Variants in TBC1D5 observed in about 807,000 individuals in gnomAD.
TBC1D5 encodes TBC1 domain family member 5.
TBC1D5 carries 75 observed loss-of-function variants against 100.3 expected under a neutral mutation model. The ratio of observed to expected loss-of-function variants is 0.75; its 90% CI spans 0.62 to 0.91. The LOEUF (loss-of-function observed/expected upper bound fraction) is 0.91. Among genes scored for constraint, TBC1D5 ranks in the 40% least tolerant of loss-of-function variants. The pLI, the probability that TBC1D5 is intolerant of heterozygous loss-of-function variation, is 0.00. For synonymous variants in TBC1D5, 323 were observed against 325.6 expected (o/e 0.99, Z 0.09); for missense variants, 910 against 942.4 (o/e 0.97, Z 0.45).
At chr3:17,260,140 G>C (rs2078138235) in intron 15 of TBC1D5, among the ~76,000 whole-genome samples, 1 of 152,170 alleles carries the variant, frequency 6.6e-6, no homozygotes, top group Admixed American at 6.5e-5. Context: ...CAGATTGACA[G>C]TGCATTCATG....
chr3:17,165,901 C>T (rs551431352), intron 21 of TBC1D5, among the ~76,000 whole-genome samples: 69 of 152,292 alleles, frequency 4.5e-4, no homozygotes, highest in Non-Finnish European at 7.1e-4. Context: ...TAATGCCTGG[C>T]AGGCTAAGTG....
chr3:17,695,518 T>C (rs2071902901), intron 1 of TBC1D5, among the ~76,000 whole-genome samples: 1 of 152,084 alleles, frequency 6.6e-6, no homozygotes, highest in African/African-American at 2.4e-5. Context: ...TACATAATGG[T>C]AAAGGGATCA....
chr3:17,491,862 A>G (rs1046927588), intron 3 of TBC1D5, among the ~76,000 whole-genome samples: 3 of 152,180 alleles, frequency 2.0e-5, no homozygotes, highest in Non-Finnish European at 2.9e-5. Flanking sequence ...ATAGTTTCAG[A>G]AGAAATGGTA....
chr3:17,578,181 ATAAAT>A (rs1165379916), intron 2 of TBC1D5, among the ~76,000 whole-genome samples: 1 of 152,080 alleles, frequency 6.6e-6, no homozygotes, highest in African/African-American at 2.4e-5. Flanking sequence ...GCATACATTG[ATAAAT>A]TAAGTACCGT....
intron 2 of TBC1D5, among the ~76,000 whole-genome samples, chr3:17,563,994 G>A (rs1211160581): frequency 2.0e-5 from 3 of 152,166 alleles, no homozygotes; most frequent in East Asian, 3.9e-4. Flanking sequence ...GTGTTAGCCA[G>A]GATGGTCTCG....
intron 19 of TBC1D5, among the ~76,000 whole-genome samples, chr3:17,172,537 A>G (rs899117831): frequency 2.0e-5 from 3 of 152,134 alleles, no homozygotes; most frequent in African/African-American, 7.2e-5. Flanking sequence ...GGAAGATTAC[A>G]CTCTTTATAA....
intron 16 of TBC1D5, among the ~76,000 whole-genome samples, chr3:17,241,886 C>T (rs538557287): frequency 6.6e-6 from 1 of 152,208 alleles, no homozygotes; most frequent in East Asian, 1.9e-4. Context: ...AAAAAAACCC[C>T]AAATTATCTC....
intron 1 of TBC1D5, among the ~76,000 whole-genome samples, chr3:17,687,141 T>A (rs752002717): frequency 1.3e-5 from 2 of 152,188 alleles, no homozygotes; most frequent in Non-Finnish European, 2.9e-5. Context: ...AAAACTATCT[T>A]ATTTTTTCAA....
intron 18 of TBC1D5, among the ~76,000 whole-genome samples, chr3:17,197,300 T>C (rs2733526): frequency 0.39 from 59,387 of 152,046 alleles, 12,302 homozygotes; most frequent in Middle Eastern, 0.5. Context: ...CTTTGTTTCA[T>C]GTGGCACTGA....
intron 3 of TBC1D5, among the ~76,000 whole-genome samples, chr3:17,442,953 G>A (rs2094699651): frequency 6.6e-6 from 1 of 151,740 alleles, no homozygotes; most frequent in Non-Finnish European, 1.5e-5. Context: ...GGAAGGGAAG[G>A]GGAGGAAAGG....
chr3:17,372,124 G>T (rs1350975980), exon 13 of TBC1D5: 2 of 1,613,566 alleles, frequency 1.2e-6, no homozygotes, highest in South Asian at 1.1e-5. Context: ...TGCATGTAAA[G>T]CTCAATATCA....
At chr3:17,735,662 T>C (rs2076908382) in intron 1 of TBC1D5, among the ~76,000 whole-genome samples, 1 of 152,158 alleles carries the variant, frequency 6.6e-6, no homozygotes, top group South Asian at 2.1e-4. Context: ...TCAGCTCAAT[T>C]AGGACGAACC....
chr3:17,265,661 T>C (rs1410526370), intron 15 of TBC1D5, among the ~76,000 whole-genome samples: 1 of 152,148 alleles, frequency 6.6e-6, no homozygotes, highest in East Asian at 1.9e-4. Flanking sequence ...GCAGGTGTTT[T>C]AGGGGAGACA....
intron 9 of TBC1D5, among the ~76,000 whole-genome samples, chr3:17,379,235 T>C (rs949396855): frequency 6.6e-6 from 1 of 152,058 alleles, no homozygotes; most frequent in Non-Finnish European, 1.5e-5. Flanking sequence ...AGAGTATTTT[T>C]AAGAACATCA....
At chr3:17,269,939 A>AG (rs1397713727) in intron 15 of TBC1D5, among the ~76,000 whole-genome samples, 1 of 152,174 alleles carries the variant, frequency 6.6e-6, no homozygotes, top group Admixed American at 6.5e-5. Flanking sequence ...TGTTGTGAAT[A>AG]GGGCTGCAAT....
intron 2 of TBC1D5, among the ~76,000 whole-genome samples, chr3:17,614,222 T>A (rs2061930456): frequency 6.6e-6 from 1 of 152,220 alleles, no homozygotes; most frequent in African/African-American, 2.4e-5. Flanking sequence ...TTCTGAGGCC[T>A]CTGTTATGTT....
rs533833233 is a variant in TBC1D5 at position 17,695,496 on chromosome 3, AAAG to A, written c.-101+43844_-101+43846del. ...TAAACCAATAAAGATCCAAAGAGAC[AAAG>A]AAGGCCATTACATAATGGTAAAGGG... On this transcript the variant is annotated intron_variant, in intron 1 of 21. Transcript: ENST00000253692. Among the ~76,000 whole-genome samples, 5 of 152,352 alleles carry A rather than the reference AAAG, an allele frequency of 3.3e-5. No individual in the cohort carries two copies. The South Asian group carries it at 1.0e-3, about 32-fold the overall frequency.
At chr3:17,704,111 T>C (rs912426207) in intron 1 of TBC1D5, among the ~76,000 whole-genome samples, 4 of 142,288 alleles carry the variant, frequency 2.8e-5, no homozygotes, top group Non-Finnish European at 6.1e-5. Flanking sequence ...AGATTAGGGA[T>C]TGGTGATGAC....
At chr3:17,721,774 A>G (rs1387208151) in intron 1 of TBC1D5, among the ~76,000 whole-genome samples, 1 of 152,030 alleles carries the variant, frequency 6.6e-6, no homozygotes, top group Non-Finnish European at 1.5e-5. Flanking sequence ...TGAGCTCGGG[A>G]GTTCAAGACC....
Sources: gnomAD v4.1 joint callset for allele counts (sites outside exome capture counted in the v4.1 genomes callset) on GRCh38, gnomAD v4.1.1 for gene constraint, MANE v1.5 for transcripts, NCBI Gene and HGNC (gene_info 2026-07-23, HGNC 2026-07-21) for gene names.